Variants in MACROD2 observed in about 807,000 individuals in gnomAD.
MACROD2 encodes the protein mono-ADP ribosylhydrolase 2.
In MACROD2, 36 loss-of-function variants were observed where a neutral mutation model predicts 70.4. The ratio of observed to expected loss-of-function variants is 0.51; its 90% CI spans 0.39 to 0.68. The LOEUF (loss-of-function observed/expected upper bound fraction) is 0.68, where lower values mean the gene tolerates loss of function less well. Among genes scored for constraint, MACROD2 ranks in the 30% least tolerant of loss-of-function variants. MACROD2 has a pLI of 0.00. For synonymous variants in MACROD2, 172 were observed against 178.8 expected, an observed-to-expected ratio of 0.96 and a Z score of 0.30; for missense variants, 496 against 538.4, an observed-to-expected ratio of 0.92 and a Z score of 0.78.
At chr20:15,488,685 G>A (rs986828920) in intron 7 of MACROD2, among the ~76,000 whole-genome samples, 2 of 152,178 alleles carry the variant, frequency 1.3e-5, no homozygotes, top group Admixed American at 6.5e-5. Context: ...CATTCAATAA[G>A]CAGAAACTGC....
At chr20:15,076,598 G>A (rs571826681) in intron 5 of MACROD2, among the ~76,000 whole-genome samples, 11 of 152,230 alleles carry the variant, frequency 7.2e-5, no homozygotes, top group African/African-American at 2.2e-4. Flanking sequence ...CTCCAAGGAG[G>A]TCTGTAGGAG....
At position 15,665,105 on chromosome 20, in the gene MACROD2, T is replaced by C. The variant is rs77402835; in HGVS notation, c.645+165258T>C. On this transcript the variant is annotated intron_variant, in intron 8 of 17. Transcript: ENST00000684519. ...TTTCTCCTTGATATAATTTGAAGTCTTGATTGAGAAGTGAAAAGGGAGATG... is the reference window on the plus strand; with the variant it reads ...TTTCTCCTTGATATAATTTGAAGTCCTGATTGAGAAGTGAAAAGGGAGATG... Among the ~76,000 whole-genome samples, 1,120 of 152,282 alleles carry C rather than the reference T, an allele frequency of 7.4e-3. 12 individuals carry two copies. The highest frequency in any genetic ancestry group is 0.026 in the African/African-American group (1,062 of 41,560).
At chr20:15,959,177 G>T (rs746477171) in intron 12 of MACROD2, among the ~76,000 whole-genome samples, 1 of 152,100 alleles carries the variant, frequency 6.6e-6, no homozygotes, top group Non-Finnish European at 1.5e-5. Flanking sequence ...TAAGGTTCTT[G>T]TAAGTTTTTT....
chr20:14,623,567 T>C lies in MACROD2; in HGVS notation c.302-61276T>C, dbSNP rs538275478. Among the ~76,000 whole-genome samples the C allele has an allele frequency of 4.8e-4, 73 of 152,304 alleles. No homozygotes were observed. The Middle Eastern group carries it at 0.01, about 21-fold the overall frequency. ...TTGCTGTAGCAGACAGTGGATGAAC[T>C]AATCAAAAGGCTCAGAGAAGTTGTG... On this transcript the variant is annotated intron_variant, in intron 4 of 17. Transcript: ENST00000684519.
chr20:15,080,625 T>C lies in MACROD2; in HGVS notation c.419-149315T>C, dbSNP rs553824632. On this transcript the variant is annotated intron_variant, in intron 5 of 17. Transcript: ENST00000684519. Reference sequence around the variant, plus strand: ...GACATTAACCAGGTCTGTTCCACTTTATGGTTTATTTGCTGAGGAATTCAG... The same window carrying C: ...GACATTAACCAGGTCTGTTCCACTTCATGGTTTATTTGCTGAGGAATTCAG... 3.6e-4 allele frequency among the ~76,000 whole-genome samples: 55 copies of C among 152,278 alleles called. 1 individual carries two copies. The South Asian group carries it at 7.5e-3, about 21-fold the overall frequency.
In MACROD2 at chr20:15,513,372, A is replaced by G. The variant is rs529418832; in HGVS notation, c.645+13525A>G. ...TGAAATGTATTATTAGACTTGTTAA[A>G]TGTGTAATTAAAGGGATTCCATGAA... On this transcript the variant is annotated intron_variant, in intron 8 of 17. Transcript: ENST00000684519. 2.3e-4 allele frequency among the ~76,000 whole-genome samples: 35 copies of G among 152,352 alleles called. No homozygotes were observed. In the South Asian group the frequency reaches 2.9e-3, roughly 13 times the overall value.
At chr20:14,399,076 G>C (rs1346131237) in intron 3 of MACROD2, among the ~76,000 whole-genome samples, 1 of 149,222 alleles carries the variant, frequency 6.7e-6, no homozygotes, top group Non-Finnish European at 1.5e-5. Flanking sequence ...CTGGAGTGCA[G>C]TGGCACGATC....
chr20:14,234,658 G>A (rs1230404861), intron 3 of MACROD2, among the ~76,000 whole-genome samples: 1 of 151,950 alleles, frequency 6.6e-6, no homozygotes, highest in Non-Finnish European at 1.5e-5. Flanking sequence ...TATTGTTCTA[G>A]TTCTTTCTGT....
At chr20:14,438,059 A>G (rs1237873647) in intron 3 of MACROD2, among the ~76,000 whole-genome samples, 1 of 152,060 alleles carries the variant, frequency 6.6e-6, no homozygotes, top group Non-Finnish European at 1.5e-5. Flanking sequence ...TTCATCCTAC[A>G]TATTTGCTAT....
intron 7 of MACROD2, among the ~76,000 whole-genome samples, chr20:15,433,340 C>T (rs1293814283): frequency 6.7e-6 from 1 of 150,190 alleles, no homozygotes; most frequent in African/African-American, 2.5e-5. Flanking sequence ...ATCTGATAAA[C>T]GAATTCAGGA....
intron 3 of MACROD2, among the ~76,000 whole-genome samples, chr20:14,223,790 G>T (rs1001449977): frequency 2.0e-5 from 3 of 152,068 alleles, no homozygotes; most frequent in African/African-American, 7.2e-5. Context: ...GAGCCACCGC[G>T]CCTGGCCTCT....
intron 3 of MACROD2, among the ~76,000 whole-genome samples, chr20:14,377,026 A>G (rs2083378645): frequency 6.6e-6 from 1 of 152,132 alleles, no homozygotes; most frequent in African/African-American, 2.4e-5. Flanking sequence ...AGTAAACAAT[A>G]ATAAATATCA....
intron 8 of MACROD2, among the ~76,000 whole-genome samples, chr20:15,554,180 G>A (rs1038322228): frequency 8.5e-5 from 13 of 152,220 alleles, no homozygotes; most frequent in Admixed American, 2.6e-4. Context: ...AAGTGGCATA[G>A]AGAGAGACAG....
chr20:15,295,306 T>C (rs2077576051), intron 6 of MACROD2, among the ~76,000 whole-genome samples: 1 of 152,166 alleles, frequency 6.6e-6, no homozygotes, highest in Admixed American at 6.5e-5. Flanking sequence ...TTCATATCAA[T>C]ATGAAAATAG....
intron 5 of MACROD2, among the ~76,000 whole-genome samples, chr20:14,927,538 A>C (rs1267246663): frequency 5.9e-5 from 9 of 152,204 alleles, no homozygotes; most frequent in African/African-American, 2.2e-4. Flanking sequence ...CATGCAGCTA[A>C]TAGTTTGTGT....
At chr20:15,855,676 C>T (rs2064348791) in intron 8 of MACROD2, among the ~76,000 whole-genome samples, 1 of 152,128 alleles carries the variant, frequency 6.6e-6, no homozygotes, top group Admixed American at 6.5e-5. Context: ...CTCTTTGCAC[C>T]AACCCTCCAC....
chr20:15,293,478 A>G (rs989389646), intron 6 of MACROD2, among the ~76,000 whole-genome samples: 2 of 152,246 alleles, frequency 1.3e-5, no homozygotes, highest in African/African-American at 4.8e-5. Context: ...TGAATATAGG[A>G]AAAAAATCTT....
intron 5 of MACROD2, among the ~76,000 whole-genome samples, chr20:14,706,551 T>C (rs565820227): frequency 1.4e-4 from 21 of 152,230 alleles, no homozygotes; most frequent in African/African-American, 5.1e-4. Context: ...CCTCCAACAG[T>C]GAAACATTCT....
chr20:14,782,882 A>G (rs191421724), intron 5 of MACROD2, among the ~76,000 whole-genome samples: 4 of 152,286 alleles, frequency 2.6e-5, no homozygotes, highest in African/African-American at 9.6e-5. Context: ...GCCACTAAGA[A>G]CACTGTTCAA....
Sources: allele counts gnomAD v4.1 joint callset (sites outside exome capture counted in the v4.1 genomes callset), GRCh38; gene constraint gnomAD v4.1.1; transcripts MANE v1.5; gene names NCBI Gene and HGNC (gene_info 2026-07-23, HGNC 2026-07-21).